TASOR: variants seen among roughly 807,000 people sequenced by gnomAD.
TASOR encodes protein TASOR.
TASOR carries 53 observed loss-of-function variants against 178.6 expected under a neutral mutation model. The observed-to-expected ratio is 0.30, with a 90% CI of 0.24 to 0.37. The LOEUF is 0.37. Among genes scored for constraint, TASOR ranks in the 10% least tolerant of loss-of-function variants. The probability of loss-of-function intolerance (pLI) is 1.00; values close to 1 mark genes in which losing one functional copy is unlikely to be tolerated. For synonymous variants in TASOR, 713 were observed against 696.2 expected (o/e 1.02, Z -0.38); for missense variants, 1,815 against 1,971.4 (o/e 0.92, Z 1.50).
In TASOR at chr3:56,640,103, A is replaced by G; in HGVS notation, c.2647T>C (p.Phe883Leu). The G allele has an allele frequency of 1.9e-6, 3 of 1,613,368 alleles. No individual in the cohort carries two copies. The highest frequency in any genetic ancestry group is 2.5e-6 in the Non-Finnish European group (3 of 1,179,710). ...CTGGGACACAAACTGCAATCTTCAA[A>G]ATTATTCACGCTAATTAAATTTGGA... is the stretch of plus-strand genomic sequence containing the variant. The part of the protein sequence containing the change: ...EDPNLISVNN[F>L]EDCSLCPSVP... Residue 883 changes from phenylalanine (F) to leucine (L), a missense_variant, in exon 16 of 24, where the codon TTT (phenylalanine) becomes CTT (leucine). Transcript: ENST00000683822.
At chr3:56,682,502 T>C (rs941336867) in intron 1 of TASOR, among the ~76,000 whole-genome samples, 174 bp downstream of exon 1, 2 of 151,100 alleles carry the variant, frequency 1.3e-5, no homozygotes, top group Admixed American at 6.7e-5. Flanking sequence ...GTTCCACCGC[T>C]TTCTCTCGCA....
Position 56,682,927 on chromosome 3 carries a change from A to C in TASOR, c.80T>G (p.Met27Arg). The change falls in exon 1 of 24, where the codon ATG becomes AGG. Residue 27 changes from methionine to arginine, a missense_variant. Transcript: ENST00000683822. The part of the protein sequence containing the change: ...WESGGGGDDE[M>R]KQALPELESS... ...CTCAAGCTCCGGAAGCGCCTGCTTC[A>C]TCTCGTCGTCTCCGCCGCCGCCACT... is the stretch of plus-strand genomic sequence containing the variant. 1 of 1,539,180 alleles carries C rather than the reference A, an allele frequency of 6.5e-7. No homozygotes were observed. The highest frequency in any genetic ancestry group is 1.4e-5 in the African/African-American group (1 of 72,842).
chr3:56,648,203 TC>T (rs2077275976), intron 13 of TASOR, among the ~76,000 whole-genome samples: 1 of 151,722 alleles, frequency 6.6e-6, no homozygotes, highest in African/African-American at 2.4e-5. Context: ...TGAGACTCTA[TC>T]TCCAACAGAG....
intron 4 of TASOR, 33 bp from the exon 5 acceptor site, chr3:56,669,824 T>C (rs906442851): frequency 4.2e-6 from 6 of 1,430,744 alleles, no homozygotes; most frequent in Non-Finnish European, 4.7e-6. Context: ...GGAAACTGAT[T>C]ATATTTTTCA....
intron 14 of TASOR, among the ~76,000 whole-genome samples, chr3:56,644,823 T>C (rs2077202203): frequency 6.6e-6 from 1 of 152,208 alleles, no homozygotes; most frequent in Middle Eastern, 3.2e-3. Context: ...AAAAGTAATG[T>C]CAAATAGAAC....
rs187741245 is a variant in TASOR at position 56,624,722 on chromosome 3, T to C, written c.4319-79A>G. 1.1e-4 allele frequency: 164 copies of C among 1,545,842 alleles called. 1 individual carries two copies. The East Asian group carries it at 3.7e-3, about 34-fold the overall frequency. ...CCTAGCCCTCACAAAATCTTTTCCTTCACATTTTCAGAATCAAAGCTTAGC... is the reference window on the plus strand; with the variant it reads ...CCTAGCCCTCACAAAATCTTTTCCTCCACATTTTCAGAATCAAAGCTTAGC... On this transcript the variant is annotated intron_variant, in intron 22 of 23. Coordinates refer to ENST00000683822, the MANE Select transcript of TASOR (RefSeq NM_001365635.2).
intron 5 of TASOR, among the ~76,000 whole-genome samples, chr3:56,668,987 A>G (rs2030365850): frequency 6.6e-6 from 1 of 152,058 alleles, no homozygotes; most frequent in African/African-American, 2.4e-5. Context: ...AAATAAATAA[A>G]ATAATATCTC....
chr3:56,632,116 C>T (rs2076928097), intron 18 of TASOR, among the ~76,000 whole-genome samples: 1 of 152,104 alleles, frequency 6.6e-6, no homozygotes, highest in South Asian at 2.1e-4. Context: ...TGATCAAATC[C>T]CATGAGATAA....
chr3:56,660,135 A>G lies in TASOR; in HGVS notation c.1368+596T>C, dbSNP rs545014390. On this transcript the variant is annotated intron_variant, in intron 11 of 23. Transcript: ENST00000683822. ...CTTGGCCTCCTAAAGTGCTGGGATTACAGGCGTGAGCCACCAACGCCCGGC... is the reference window on the plus strand; with the variant it reads ...CTTGGCCTCCTAAAGTGCTGGGATTGCAGGCGTGAGCCACCAACGCCCGGC... Among the ~76,000 whole-genome samples the G allele has an allele frequency of 2.0e-5, 3 of 152,128 alleles. No individual in the cohort carries two copies. The South Asian group carries it at 6.2e-4, about 32-fold the overall frequency.
chr3:56,626,975 G>T, intron 21 of TASOR, 62 bp downstream of exon 21: 1 of 1,019,584 alleles, frequency 9.8e-7, no homozygotes, highest in Non-Finnish European at 1.5e-6. Context: ...TGGGAAGAGA[G>T]AAATATTATG....
At chr3:56,661,175 C>A (rs914322528) in intron 9 of TASOR, among the ~76,000 whole-genome samples, 158 bp from the exon 10 acceptor site, 12 of 152,228 alleles carry the variant, frequency 7.9e-5, no homozygotes, top group African/African-American at 2.9e-4. Flanking sequence ...TTGTGACAGT[C>A]TCACTCTGTC....
chr3:56,658,822 G>A (rs1421630337), intron 11 of TASOR, among the ~76,000 whole-genome samples: 3 of 152,162 alleles, frequency 2.0e-5, no homozygotes, highest in East Asian at 1.9e-4. Flanking sequence ...CAGGAGAATC[G>A]CTTGAACCCG....
intron 21 of TASOR, among the ~76,000 whole-genome samples, chr3:56,626,418 G>C (rs2076800324): frequency 6.6e-6 from 1 of 152,154 alleles, no homozygotes; most frequent in African/African-American, 2.4e-5. Flanking sequence ...GAGAGGGCCT[G>C]ATGTAGTTGG....
intron 16 of TASOR, among the ~76,000 whole-genome samples, chr3:56,639,365 ATG>A (rs2077076660): frequency 6.6e-6 from 1 of 151,744 alleles, no homozygotes; most frequent in Non-Finnish European, 1.5e-5. Context: ...GTATGTATTT[ATG>A]TGTGTGTATG....
chr3:56,682,542 G>A, intron 1 of TASOR, 134 bp downstream of exon 1: 1 of 816,782 alleles, frequency 1.2e-6, no homozygotes. Context: ...GGCCGTGGCG[G>A]TGAGGGGAGA....
Position 56,623,302 on chromosome 3 carries a change from TTC to T in TASOR, c.4746_4747del (p.Asn1583GlnfsTer10). ...TGAATCTTGTTCTGTTGAATTGCTG[TTC>T]TCTCCTTCAGAGCATACTATATCAA... On this transcript the variant is annotated frameshift_variant, in exon 24 of 24. Transcript: ENST00000683822. LOFTEE classifies it high-confidence loss of function. 6.2e-7 allele frequency: 1 copy of T among 1,613,612 alleles called. No homozygotes were observed. The highest frequency in any genetic ancestry group is 8.5e-7 in the Non-Finnish European group (1 of 1,179,958).
chr3:56,623,698 T>C, intron 23 of TASOR, 132 bp from the exon 24 acceptor site: 2 of 1,543,504 alleles, frequency 1.3e-6, no homozygotes, highest in Admixed American at 2.1e-5. Context: ...CTTGGTCTTC[T>C]GCCACAAGTT....
intron 15 of TASOR, 63 bp from the exon 16 acceptor site, chr3:56,640,193 CTG>C (rs1253044925): frequency 1.7e-5 from 25 of 1,479,784 alleles, no homozygotes; most frequent in Middle Eastern, 1.8e-4. Context: ...CAAGAATAAA[CTG>C]TTTTTTCACT....
In TASOR at chr3:56,646,956, T is replaced by C; in HGVS notation, c.1781A>G (p.Asn594Ser). 7 of 1,612,040 alleles carry C rather than the reference T, an allele frequency of 4.3e-6. No homozygotes were observed. The highest frequency in any genetic ancestry group is 5.9e-6 in the Non-Finnish European group (7 of 1,179,604). Residue 594 changes from asparagine (N) to serine (S), a missense_variant, in exon 14 of 24, where the codon AAT becomes AGT. By Grantham distance (46) the Asn-to-Ser change is conservative. This residue lies in a region of TASOR where 504 missense variants were observed against 645.3 expected (regional missense o/e 0.78). Transcript: ENST00000683822. Reference sequence around the variant, plus strand: ...CAAACAAGTATCAATATGGGATTTATTTCTGGGAGCTGAGTATAAGAATTT... The same window carrying C: ...CAAACAAGTATCAATATGGGATTTACTTCTGGGAGCTGAGTATAAGAATTT... ...DKKFLYSAPR[N>S]KSHIDTCLHA...
Sources: allele counts gnomAD v4.1 joint callset (sites outside exome capture counted in the v4.1 genomes callset), GRCh38; gene constraint gnomAD v4.1.1; regional missense constraint gnomAD v4.1.1; transcripts MANE v1.5; gene names NCBI Gene and HGNC (gene_info 2026-07-23, HGNC 2026-07-21).